SMAD1: variants seen among roughly 807,000 people sequenced by gnomAD.
The protein encoded by SMAD1 is MAD, mothers against decapentaplegic homolog 1.
Under a neutral mutation model 41.6 loss-of-function variants are expected in SMAD1, and 6 were observed. The ratio of observed to expected loss-of-function variants is 0.14; its 90% confidence interval spans 0.08 to 0.28. The LOEUF (loss-of-function observed/expected upper bound fraction) is 0.28, where lower values mean the gene tolerates loss of function less well. Among genes scored for constraint, SMAD1 ranks in the 10% least tolerant of loss-of-function variants. The pLI is 1.00. For synonymous variants in SMAD1, 206 were observed against 203.2 expected (o/e 1.01, Z -0.12); for missense variants, 379 against 582.6 (o/e 0.65, Z 3.60).
chr4:145,491,378 C>T (rs1221648912), intron 1 of SMAD1, among the ~76,000 whole-genome samples: 1 of 152,146 alleles, frequency 6.6e-6, no homozygotes, highest in East Asian at 1.9e-4. Context: ...CTGCAGTGAG[C>T]TATGATTGTG....
intron 2 of SMAD1, among the ~76,000 whole-genome samples, chr4:145,534,070 C>T (rs530310797): frequency 1.3e-5 from 2 of 152,278 alleles, no homozygotes; most frequent in East Asian, 3.9e-4. Flanking sequence ...GCAGAGACCT[C>T]AGGAGAAAAG....
intron 2 of SMAD1, among the ~76,000 whole-genome samples, chr4:145,527,227 C>CTTT (rs368437867): frequency 7.0e-6 from 1 of 143,552 alleles, no homozygotes. Flanking sequence ...TCATTTAATT[C>CTTT]TTTTTTTTTT....
At chr4:145,510,321 T>G (rs1312343414) in intron 1 of SMAD1, among the ~76,000 whole-genome samples, 1 of 152,138 alleles carries the variant, frequency 6.6e-6, no homozygotes, top group Non-Finnish European at 1.5e-5. Flanking sequence ...TATTTTTCCT[T>G]TTAAAAAATC....
At chr4:145,497,484 C>G (rs1729153939) in intron 1 of SMAD1, 1 of 152,144 alleles carries the variant, frequency 6.6e-6, no homozygotes, top group Non-Finnish European at 1.5e-5. Context: ...CTGTGTTATA[C>G]TCATTTTCTT....
At position 145,558,787 on chromosome 4, in the gene SMAD1, T is replaced by C. The variant is rs563369995; in HGVS notation, c.*853T>C. On this transcript the variant is annotated 3_prime_UTR_variant, in exon 7 of 7. Transcript: ENST00000302085. ...CTTCAAAAAGCAGTTCTGCAGCTGG[T>C]TAATTCATGTAACTGTGAGAGCAAA... Among the ~76,000 whole-genome samples, 116 of 152,354 alleles carry C rather than the reference T, an allele frequency of 7.6e-4. 1 individual carries two copies. The South Asian group carries it at 0.023, about 31-fold the overall frequency.
intron 2 of SMAD1, among the ~76,000 whole-genome samples, chr4:145,537,765 C>T (rs1043800168): frequency 6.6e-6 from 1 of 152,132 alleles, no homozygotes; most frequent in Non-Finnish European, 1.5e-5. Flanking sequence ...ATTGCAAAGG[C>T]TAGTTCTTCC....
intron 1 of SMAD1, among the ~76,000 whole-genome samples, chr4:145,500,387 C>T (rs997880389): frequency 3.3e-5 from 5 of 152,188 alleles, no homozygotes; most frequent in Non-Finnish European, 5.9e-5. Flanking sequence ...TTTCTCTCCC[C>T]TCACTCCATT....
At chr4:145,489,550 G>A (rs775478374) in intron 1 of SMAD1, among the ~76,000 whole-genome samples, 10 of 152,048 alleles carry the variant, frequency 6.6e-5, no homozygotes, top group East Asian at 1.9e-4. Flanking sequence ...AAGAGATGTC[G>A]GAGATATATC....
At chr4:145,512,704 C>T (rs1578769795) in intron 1 of SMAD1, among the ~76,000 whole-genome samples, 2 of 152,136 alleles carry the variant, frequency 1.3e-5, no homozygotes, top group East Asian at 1.9e-4. Flanking sequence ...CTGGGTCACC[C>T]GTTAGGTCTG....
chr4:145,557,504 T>C (rs1732907416), intron 6 of SMAD1, among the ~76,000 whole-genome samples: 1 of 152,220 alleles, frequency 6.6e-6, no homozygotes, highest in African/African-American at 2.4e-5. Context: ...AGTGTCTTTA[T>C]TAAGATAACT....
intron 2 of SMAD1, among the ~76,000 whole-genome samples, chr4:145,530,212 A>G (rs926029814): frequency 6.6e-6 from 1 of 152,204 alleles, no homozygotes; most frequent in South Asian, 2.1e-4. Flanking sequence ...TGTAGGGCAC[A>G]CTGAGGCATA....
chr4:145,521,079 G>A (rs754591861), intron 2 of SMAD1, among the ~76,000 whole-genome samples: 5 of 152,180 alleles, frequency 3.3e-5, no homozygotes, highest in Non-Finnish European at 7.3e-5. Flanking sequence ...GAGAAAGTTC[G>A]TGGAGCTTCT....
At chr4:145,556,340 A>T (rs191241327) in intron 6 of SMAD1, among the ~76,000 whole-genome samples, 1 of 152,330 alleles carries the variant, frequency 6.6e-6, no homozygotes, top group East Asian at 1.9e-4. Context: ...AATTAATTTT[A>T]GGAGTTTGTT....
At chr4:145,484,666 A>G (rs1728376633) in intron 1 of SMAD1, 2 of 152,224 alleles carry the variant, frequency 1.3e-5, no homozygotes, top group African/African-American at 4.8e-5. Context: ...TTCAATCTGA[A>G]TTGTATAAGT....
chr4:145,510,510 GTTATT>G (rs770565031), intron 1 of SMAD1, among the ~76,000 whole-genome samples: 1 of 151,844 alleles, frequency 6.6e-6, no homozygotes, highest in Non-Finnish European at 1.5e-5. Context: ...TGACCTTTGG[GTTATT>G]TTAAAGTTTG....
At chr4:145,506,111 G>A (rs1329981496) in intron 1 of SMAD1, among the ~76,000 whole-genome samples, 4 of 151,918 alleles carry the variant, frequency 2.6e-5, no homozygotes, top group Non-Finnish European at 4.4e-5. Context: ...AAAGTGCTGG[G>A]ATTACAGGTG....
chr4:145,529,254 C>T (rs931154573), intron 2 of SMAD1, among the ~76,000 whole-genome samples: 8 of 152,034 alleles, frequency 5.3e-5, no homozygotes, highest in Admixed American at 5.2e-4. Flanking sequence ...TTAGGTTATA[C>T]CCTGAAGTTT....
upstream of SMAD1, chr4:145,481,322 C>A (rs1282118544): frequency 6.6e-6 from 1 of 152,060 alleles, no homozygotes; most frequent in East Asian, 1.9e-4. Context: ...TGGGTACGTA[C>A]AACTTCTGGG....
intron 1 of SMAD1, among the ~76,000 whole-genome samples, chr4:145,491,236 TTGG>T (rs1406713589): frequency 2.4e-4 from 37 of 152,208 alleles, no homozygotes; most frequent in African/African-American, 8.9e-4. Flanking sequence ...AATAGAAAAA[TTGG>T]TAGTGGACGT....
Sources: gnomAD v4.1 joint callset for allele counts (sites outside exome capture counted in the v4.1 genomes callset) on GRCh38, gnomAD v4.1.1 for gene constraint, MANE v1.5 for transcripts, NCBI Gene and HGNC (gene_info 2026-07-23, HGNC 2026-07-21) for gene names.